Variants in GFOD1 observed in about 807,000 individuals in gnomAD.
GFOD1 encodes Gfo/Idh/MocA-like oxidoreductase domain containing 1, also known as glucose-fructose oxidoreductase domain-containing protein 1.
Under a neutral mutation model 25.4 loss-of-function variants are expected in GFOD1, and 9 were observed. That is an observed-to-expected ratio of 0.35 (90% CI 0.21 to 0.62). The LOEUF (loss-of-function observed/expected upper bound fraction) is 0.62, where lower values mean the gene tolerates loss of function less well. GFOD1 is among the 20% of genes least tolerant of loss of function. The probability of loss-of-function intolerance (pLI) is 0.72; values close to 1 mark genes in which losing one functional copy is unlikely to be tolerated. For missense variants in GFOD1, 403 were observed against 556.9 expected (o/e 0.72, Z 2.78); for synonymous variants, 253 against 245.6 (o/e 1.03, Z -0.28).
At chr6:13,467,561 A>G (rs752666744) in intron 1 of GFOD1, among the ~76,000 whole-genome samples, 6 of 152,248 alleles carry the variant, frequency 3.9e-5, no homozygotes, top group Non-Finnish European at 8.8e-5. Context: ...ACCTGCCTGC[A>G]AAGAAAAGGG....
intron 1 of GFOD1, chr6:13,408,251 C>T (rs1785983312): frequency 4.3e-6 from 1 of 230,112 alleles, no homozygotes; most frequent in Non-Finnish European, 7.2e-6. Flanking sequence ...CTTCTTAGAG[C>T]AGGACCTAGT....
chr6:13,361,210 T>C lies in GFOD1; in HGVS notation c.*3533A>G, dbSNP rs1285597186. The C allele has an allele frequency of 4.2e-6, 1 of 239,994 alleles. No homozygotes were observed. Among genetic ancestry groups the C allele is most frequent in the African/African-American group, 2.3e-5 (1 of 43,584 alleles). 14.9% of individuals were successfully genotyped at this position (239,994 alleles called of 1,614,324 possible). A position where few individuals can be genotyped will look rare whatever the true frequency, so the allele number is the denominator to read the frequency against. On this transcript the variant is annotated 3_prime_UTR_variant, in exon 2 of 2. Transcript: ENST00000379287. ...GGGTCTGGGGTGCCCTACAATGCAA[T>C]TGTCTGTTGAGAGGAGAAGTCTTGG...
At chr6:13,452,259 G>A (rs1021411803) in intron 1 of GFOD1, among the ~76,000 whole-genome samples, 8 of 152,102 alleles carry the variant, frequency 5.3e-5, no homozygotes, top group Non-Finnish European at 4.4e-5. Flanking sequence ...GCATATGGAC[G>A]GTGAATTGGA....
intron 1 of GFOD1, among the ~76,000 whole-genome samples, chr6:13,411,949 A>G (rs1786084925): frequency 6.6e-6 from 1 of 152,168 alleles, no homozygotes; most frequent in African/African-American, 2.4e-5. Context: ...CGGTCAAATT[A>G]CTCAGCGTCT....
At chr6:13,422,156 C>T (rs1038123256) in intron 1 of GFOD1, among the ~76,000 whole-genome samples, 10 of 152,132 alleles carry the variant, frequency 6.6e-5, no homozygotes, top group African/African-American at 2.4e-4. Flanking sequence ...TCCCTTTCTT[C>T]TAATCGTGCC....
At chr6:13,482,514 A>C (rs529024768) in intron 1 of GFOD1, among the ~76,000 whole-genome samples, 1 of 152,164 alleles carries the variant, frequency 6.6e-6, no homozygotes, top group Non-Finnish European at 1.5e-5. Flanking sequence ...TGGGAGGCCA[A>C]CACAGATGGA....
At chr6:13,481,309 G>C (rs1363467653) in intron 1 of GFOD1, among the ~76,000 whole-genome samples, 3 of 152,220 alleles carry the variant, frequency 2.0e-5, no homozygotes, top group Non-Finnish European at 4.4e-5. Context: ...ATTCCAAAAA[G>C]TGAGGCAAGA....
chr6:13,487,362 A>G lies in GFOD1; in HGVS notation c.-472T>C, dbSNP rs114234739. The G allele has an allele frequency of 2.1e-3, 325 of 156,490 alleles. 2 individuals are homozygous for G. Among genetic ancestry groups the G allele is most frequent in the Admixed American group, 3.3e-3 (51 of 15,380 alleles). The allele number at this position is 156,490 out of a possible 1,614,324, so 9.7% of individuals were successfully genotyped here. On this transcript the variant is annotated 5_prime_UTR_variant, in exon 1 of 2. Coordinates refer to ENST00000379287, the MANE Select transcript of GFOD1 (RefSeq NM_018988.4). This position sits in a 1 kb window ranked among gnomAD's most constrained non-coding sequence, Gnocchi z 4.9. ...CACAGACAAACGTCTACACCCTGCC[A>G]GAGCACGGAACCGCTCCGCGGGGGA...
rs961231599 is a variant in GFOD1, at chr6:13,360,907, G to T, written c.*3836C>A. 2.2e-6 allele frequency: 1 copy of T among 454,316 alleles called. No homozygotes were observed. The highest frequency in any genetic ancestry group is 2.0e-5 in the African/African-American group (1 of 50,028). The allele number at this position is 454,316 out of a possible 1,614,324, so 28.1% of individuals were successfully genotyped here. ...GGAGGCAGTGTGGTCTGGAGGAGAA[G>T]ATTAAGGATTTGAATGACCTCATTT... On this transcript the variant is annotated 3_prime_UTR_variant, in exon 2 of 2. Transcript: ENST00000379287.
At chr6:13,420,163 AAC>A (rs905678266) in intron 1 of GFOD1, among the ~76,000 whole-genome samples, 1 of 152,230 alleles carries the variant, frequency 6.6e-6, no homozygotes, top group Admixed American at 6.5e-5. Flanking sequence ...GGATGGAGAA[AAC>A]ACAGTTTCTC....
chr6:13,366,646 T>TAA (rs1554198892), intron 1 of GFOD1, among the ~76,000 whole-genome samples: 8 of 151,724 alleles, frequency 5.3e-5, no homozygotes, highest in African/African-American at 1.9e-4. Flanking sequence ...TTTTTTTTTT[T>TAA]AAAAGAGATG....
chr6:13,468,767 C>A (rs1356889486), intron 1 of GFOD1, among the ~76,000 whole-genome samples: 3 of 152,152 alleles, frequency 2.0e-5, no homozygotes, highest in Non-Finnish European at 4.4e-5. Context: ...TCCACTATTC[C>A]CCACAGCCTC....
chr6:13,463,537 C>T (rs7740298), intron 1 of GFOD1, among the ~76,000 whole-genome samples: 22,246 of 152,166 alleles, frequency 0.15, 5,228 homozygotes, highest in African/African-American at 0.5. Flanking sequence ...GCTCTTTCCA[C>T]GTCACCGGGG....
chr6:13,389,454 TC>T (rs1785540134), intron 1 of GFOD1, among the ~76,000 whole-genome samples: 1 of 152,190 alleles, frequency 6.6e-6, no homozygotes, highest in Admixed American at 6.5e-5. Flanking sequence ...TGAGTTCATG[TC>T]CTTTGCAGGG....
chr6:13,388,111 A>G (rs1045004404), intron 1 of GFOD1, among the ~76,000 whole-genome samples: 1 of 152,256 alleles, frequency 6.6e-6, no homozygotes, highest in Non-Finnish European at 1.5e-5. Flanking sequence ...ATGAAATAAA[A>G]GAGGATACAA....
intron 1 of GFOD1, among the ~76,000 whole-genome samples, chr6:13,425,894 A>G (rs1786343548): frequency 6.6e-6 from 1 of 151,976 alleles, no homozygotes; most frequent in Admixed American, 6.5e-5. Context: ...AAGAAGAAGA[A>G]AGAAAGAAAA....
intron 1 of GFOD1, among the ~76,000 whole-genome samples, chr6:13,482,665 T>C (rs1376960056): frequency 6.6e-6 from 1 of 152,042 alleles, no homozygotes; most frequent in East Asian, 1.9e-4. Flanking sequence ...GGAGAATCAC[T>C]TGAACCCAGG....
At chr6:13,465,183 T>C (rs1050731192) in intron 1 of GFOD1, among the ~76,000 whole-genome samples, 1 of 151,472 alleles carries the variant, frequency 6.6e-6, no homozygotes, top group African/African-American at 2.4e-5. Context: ...GGAAGAATTG[T>C]CTTGGGCCAC....
intron 1 of GFOD1, among the ~76,000 whole-genome samples, chr6:13,393,999 G>C (rs1265837397): frequency 6.6e-6 from 1 of 151,830 alleles, no homozygotes; most frequent in Non-Finnish European, 1.5e-5. Context: ...GGATGGTCTC[G>C]ATCTCCTGAC....
Sources: gnomAD v4.1 joint callset for allele counts (sites outside exome capture counted in the v4.1 genomes callset) on GRCh38, gnomAD v4.1.1 for gene constraint, Gnocchi (gnomAD v3.1) non-coding constraint, MANE v1.5 for transcripts, NCBI Gene and HGNC (gene_info 2026-07-23, HGNC 2026-07-21) for gene names.